PDE4D: variants seen among roughly 807,000 people sequenced by gnomAD.
PDE4D encodes 3',5'-cyclic-AMP phosphodiesterase 4D.
PDE4D carries 24 observed loss-of-function variants against 87.4 expected under a neutral mutation model. That is an observed-to-expected ratio of 0.27 (90% CI 0.20 to 0.39). PDE4D has a LOEUF of 0.39. PDE4D is among the 10% of genes least tolerant of loss of function. PDE4D has a pLI of 1.00. For missense variants in PDE4D, 714 were observed against 1,041.0 expected (o/e 0.69, Z 4.32); for synonymous variants, 384 against 383.2 (o/e 1.00, Z -0.02).
intron 1 of PDE4D, among the ~76,000 whole-genome samples, chr5:60,372,039 A>G (rs1761072973): frequency 6.6e-6 from 1 of 152,134 alleles, no homozygotes; most frequent in Non-Finnish European, 1.5e-5. Context: ...GTAGATACTG[A>G]AAATGGTTTT....
chr5:59,017,387 T>C (rs530837296), intron 6 of PDE4D, among the ~76,000 whole-genome samples: 4 of 152,252 alleles, frequency 2.6e-5, no homozygotes, highest in Admixed American at 1.3e-4. Flanking sequence ...AGGATGGACA[T>C]TGGTGCCATT....
chr5:60,394,032 C>T (rs186241390), intron 1 of PDE4D, among the ~76,000 whole-genome samples: 95 of 152,212 alleles, frequency 6.2e-4, no homozygotes, highest in Non-Finnish European at 1.1e-3. Flanking sequence ...AGCTTAAGTG[C>T]TCAATAAAGC....
In PDE4D at chr5:59,044,772, T is replaced by G. The variant is rs565656458; in HGVS notation, c.809-5801A>C. Among the ~76,000 whole-genome samples the G allele has an allele frequency of 3.9e-5, 6 of 152,360 alleles. No individual in the cohort carries two copies. In the South Asian group the frequency reaches 8.3e-4, roughly 21 times the overall value. On this transcript the variant is annotated intron_variant, in intron 5 of 14. Transcript: ENST00000340635. ...TAAAATTGTATAAAATATATAAAAC[T>G]TTATTTAGTACTTCATAAAGCTTCC...
At chr5:59,700,537 A>G (rs1177448762) in intron 1 of PDE4D, among the ~76,000 whole-genome samples, 2 of 152,216 alleles carry the variant, frequency 1.3e-5, no homozygotes, top group African/African-American at 4.8e-5. Flanking sequence ...CTAATAAATG[A>G]ACAAAGAAGG....
chr5:59,463,083 G>A (rs1379797817), intron 1 of PDE4D, among the ~76,000 whole-genome samples: 1 of 152,160 alleles, frequency 6.6e-6, no homozygotes, highest in African/African-American at 2.4e-5. Flanking sequence ...TTGAGAAGGT[G>A]TAAATCATAG....
chr5:60,007,818 C>A (rs1388532676), intron 2 of PDE4D, among the ~76,000 whole-genome samples: 1 of 151,974 alleles, frequency 6.6e-6, no homozygotes, highest in Non-Finnish European at 1.5e-5. Flanking sequence ...TTAATTAGCT[C>A]CTACTACATG....
At chr5:59,860,495 T>C (rs1746100570) in intron 1 of PDE4D, among the ~76,000 whole-genome samples, 1 of 152,208 alleles carries the variant, frequency 6.6e-6, no homozygotes, top group Admixed American at 6.5e-5. Context: ...ATAGCTACTA[T>C]TGTAATAATT....
Position 60,227,547 on chromosome 5 carries a change from G to A in PDE4D, c.-89-41860C>T, listed in dbSNP as rs555737583. Among the ~76,000 whole-genome samples, 207 of 139,374 alleles carry A rather than the reference G, an allele frequency of 1.5e-3. 1 individual carries two copies. The highest frequency in any genetic ancestry group is 5.1e-3 in the African/African-American group (198 of 38,466). 91.4% of individuals were successfully genotyped at this position (139,374 alleles called of 152,430 possible). On this transcript the variant is annotated intron_variant, in intron 1 of 16. Transcript: ENST00000502484. ...GAAGGGAGGGAAGGGAGGAGGAGAG[G>A]AAGGGTAGAAGGGAGGGAAGGGAGG...
intron 1 of PDE4D, among the ~76,000 whole-genome samples, chr5:60,190,035 T>G (rs2149519008): frequency 6.6e-6 from 1 of 152,330 alleles, no homozygotes; most frequent in East Asian, 1.9e-4. Context: ...AAATGAAGAA[T>G]GAATACATGT....
intron 3 of PDE4D, chr5:59,986,763 T>C (rs1440123472): frequency 1.3e-5 from 2 of 152,204 alleles, no homozygotes; most frequent in Admixed American, 6.5e-5. Context: ...TAATGTGGTT[T>C]ATGCTGCATA....
At chr5:60,304,042 C>T (rs981528200) in intron 1 of PDE4D, 2 of 152,038 alleles carry the variant, frequency 1.3e-5, no homozygotes, top group Admixed American at 6.6e-5. Flanking sequence ...TTTACTATTA[C>T]GTAAGAAAAT....
chr5:59,466,526 A>G (rs977487422), intron 1 of PDE4D, among the ~76,000 whole-genome samples: 15 of 152,178 alleles, frequency 9.9e-5, no homozygotes, highest in African/African-American at 3.6e-4. Flanking sequence ...TGGGCCTCCC[A>G]GAAAGAAAGC....
chr5:60,397,696 C>T (rs1255242044), intron 1 of PDE4D, among the ~76,000 whole-genome samples: 1 of 152,130 alleles, frequency 6.6e-6, no homozygotes, highest in Admixed American at 6.5e-5. Flanking sequence ...CTTCAGTTAG[C>T]TAGGAGAAAT....
rs562333685 is a variant in PDE4D at position 59,886,577 on chromosome 5, C to A, written c.455+6591G>T. On this transcript the variant is annotated intron_variant, in intron 1 of 14. Coordinates refer to ENST00000340635, the MANE Select transcript of PDE4D (RefSeq NM_001104631.2). ...TATTCCTTCTTTGTGTAGGAATATC[C>A]GCAAGAGGGTAACATGAACTGAGTT... 1.5e-3 allele frequency among the ~76,000 whole-genome samples: 222 copies of A among 150,260 alleles called. 1 individual carries two copies. The highest frequency in any genetic ancestry group is 5.2e-3 in the African/African-American group (215 of 41,006).
chr5:59,541,997 C>T (rs923239365), intron 1 of PDE4D, among the ~76,000 whole-genome samples: 2 of 152,154 alleles, frequency 1.3e-5, no homozygotes, highest in Non-Finnish European at 2.9e-5. Context: ...AGGATGGCCT[C>T]ATACCACAAT....
chr5:59,070,046 C>T (rs1399278698), intron 5 of PDE4D, among the ~76,000 whole-genome samples: 1 of 152,056 alleles, frequency 6.6e-6, no homozygotes, highest in African/African-American at 2.4e-5. Context: ...ATTTTTATAC[C>T]TCTTAATGTG....
intron 1 of PDE4D, among the ~76,000 whole-genome samples, chr5:60,192,198 G>A (rs956409073): frequency 6.6e-6 from 1 of 151,854 alleles, no homozygotes; most frequent in African/African-American, 2.4e-5. Context: ...AAAATATGGG[G>A]TATATTCAAT....
intron 1 of PDE4D, among the ~76,000 whole-genome samples, chr5:59,447,947 G>A (rs1798586460): frequency 6.6e-6 from 1 of 152,128 alleles, no homozygotes; most frequent in Non-Finnish European, 1.5e-5. Flanking sequence ...AGAACAAAAC[G>A]AACATATCAA....
At chr5:59,764,651 C>CTTTTTT (rs1177876033) in intron 1 of PDE4D, among the ~76,000 whole-genome samples, 8 of 123,354 alleles carry the variant, frequency 6.5e-5, no homozygotes, top group Non-Finnish European at 8.1e-5. Context: ...AGAGAAGTCC[C>CTTTTTT]TTTTTTTTTT....
Sources: gnomAD v4.1 joint callset for allele counts (sites outside exome capture counted in the v4.1 genomes callset) on GRCh38, gnomAD v4.1.1 for gene constraint, MANE v1.5 for transcripts, NCBI Gene and HGNC (gene_info 2026-07-23, HGNC 2026-07-21) for gene names.